The following GALNT18 variants were observed in gnomAD, a reference collection of about 807,000 sequenced individuals.
The protein encoded by GALNT18 is polypeptide N-acetylgalactosaminyltransferase 18, also known as GalNAc-transferase 18.
A neutral mutation model predicts 69.5 loss-of-function variants in GALNT18; 44 were observed. That is an observed-to-expected ratio of 0.63 (90% CI 0.50 to 0.81). GALNT18 has a LOEUF of 0.81. Ranked by LOEUF, GALNT18 falls within the 40% of genes least tolerant of loss-of-function variation. The pLI is 0.00. For missense variants in GALNT18, 715 were observed against 810.0 expected (o/e 0.88, Z 1.42); for synonymous variants, 364 against 318.2 (o/e 1.14, Z -1.53).
intron 7 of GALNT18, among the ~76,000 whole-genome samples, chr11:11,335,193 T>C: frequency 6.6e-6 from 1 of 152,170 alleles, no homozygotes; most frequent in East Asian, 1.9e-4. Flanking sequence ...AGGGCAAAGT[T>C]TGCCTCCCTC....
rs1008545915 is a variant in GALNT18, at chr11:11,352,814, T to C, written c.1093-11810A>G. On this transcript the variant is annotated intron_variant, in intron 6 of 10. Coordinates refer to ENST00000227756, the MANE Select transcript of GALNT18 (RefSeq NM_198516.3). ...AGGCGGGGGTTCGTGACACAGGGTC[T>C]TTTACAATGTCTGCCAGTGTGATGA... 3.7e-6 allele frequency: 6 copies of C among 1,614,100 alleles called. No individual in the cohort carries two copies. The East Asian group carries it at 1.3e-4, about 36-fold the overall frequency.
chr11:11,340,665 C>G lies in GALNT18; in HGVS notation c.1278+154G>C, dbSNP rs1358087410. On this transcript the variant is annotated intron_variant, in intron 7 of 10. Coordinates refer to ENST00000227756, the MANE Select transcript of GALNT18 (RefSeq NM_198516.3). This position sits in a 1 kb window ranked among gnomAD's most constrained non-coding sequence, Gnocchi z 4.2. ...GGCTTAGAGCCTCATGGCCCCTTTT[C>G]TTCAGCAAATAATATGTTTTGGGGT... 6.6e-6 allele frequency among the ~76,000 whole-genome samples: 1 copy of G among 152,122 alleles called. No homozygotes were observed. The highest frequency in any genetic ancestry group is 1.5e-5 in the Non-Finnish European group (1 of 68,022).
At chr11:11,287,347 C>G (rs570034278) in intron 10 of GALNT18, among the ~76,000 whole-genome samples, 82 of 152,312 alleles carry the variant, frequency 5.4e-4, no homozygotes, top group African/African-American at 1.9e-3. Flanking sequence ...ACAGAGGACT[C>G]CCTCTAACAT....
intron 2 of GALNT18, among the ~76,000 whole-genome samples, chr11:11,445,294 G>A (rs1855624376): frequency 6.6e-6 from 1 of 152,172 alleles, no homozygotes; most frequent in African/African-American, 2.4e-5. Flanking sequence ...TCTGTAAGAT[G>A]AAGGCTAATC....
intron 1 of GALNT18, among the ~76,000 whole-genome samples, chr11:11,531,465 G>A (rs961020215): frequency 6.6e-6 from 1 of 152,208 alleles, no homozygotes; most frequent in African/African-American, 2.4e-5. Context: ...CATCGGGCTG[G>A]TTACTCTCCC....
rs189675322 is a variant in GALNT18 at position 11,341,406 on chromosome 11, A to G, written c.1093-402T>C. Among the ~76,000 whole-genome samples the G allele has an allele frequency of 3.3e-5, 5 of 152,056 alleles. No homozygotes were observed. Among genetic ancestry groups the G allele is most frequent in the African/African-American group, 1.2e-4 (5 of 41,494 alleles). On this transcript the variant is annotated intron_variant, in intron 6 of 10. Transcript: ENST00000227756. This position sits in a 1 kb window ranked among gnomAD's most constrained non-coding sequence, Gnocchi z 6.3. Reference sequence around the variant, plus strand: ...GTTGACATAAAGGAGAACCAGCAAGACTCCCAGCAGAGACTTCCTCTTCAA... The same window carrying G: ...GTTGACATAAAGGAGAACCAGCAAGGCTCCCAGCAGAGACTTCCTCTTCAA...
chr11:11,386,712 T>C (rs1854067640), intron 3 of GALNT18, among the ~76,000 whole-genome samples: 1 of 152,166 alleles, frequency 6.6e-6, no homozygotes, highest in African/African-American at 2.4e-5. Context: ...AAGATATAGC[T>C]CCTATTATTA....
chr11:11,515,573 C>T (rs1379343516), intron 1 of GALNT18, among the ~76,000 whole-genome samples: 2 of 152,154 alleles, frequency 1.3e-5, no homozygotes, highest in Non-Finnish European at 2.9e-5. Flanking sequence ...CAAATAAACC[C>T]ACAATGATGA....
At chr11:11,370,551 C>T (rs944047327) in intron 6 of GALNT18, among the ~76,000 whole-genome samples, 1 of 151,134 alleles carries the variant, frequency 6.6e-6, no homozygotes, top group Admixed American at 6.6e-5. Flanking sequence ...ACTCCAATGA[C>T]ACTTCATTTC....
At chr11:11,588,664 T>G (rs7108584) in intron 1 of GALNT18, among the ~76,000 whole-genome samples, 3,768 of 152,266 alleles carry the variant, frequency 0.025, 160 homozygotes, top group African/African-American at 0.086. Context: ...TCAGAGGAAA[T>G]GTTTAGCTCT....
At chr11:11,316,114 C>T (rs1325654098) in intron 9 of GALNT18, among the ~76,000 whole-genome samples, 1 of 152,180 alleles carries the variant, frequency 6.6e-6, no homozygotes, top group Non-Finnish European at 1.5e-5. Flanking sequence ...GTGTACGAGG[C>T]TCCCCTGAAC....
At chr11:11,572,453 T>C (rs1224882691) in intron 1 of GALNT18, among the ~76,000 whole-genome samples, 1 of 152,168 alleles carries the variant, frequency 6.6e-6, no homozygotes, top group Non-Finnish European at 1.5e-5. Flanking sequence ...GTTTTAAAGG[T>C]AAATAACCGA....
Position 11,362,363 on chromosome 11 carries a change from A to AAAAC in GALNT18, c.1092+10148_1092+10151dup, listed in dbSNP as rs571109608. The stretch of plus-strand genomic sequence containing the variant: ...ACGAAAAAAGCAGCCTTTGGATGGC[A>AAAAC]AAACAAACAAACAAACAAACACGAG... On this transcript the variant is annotated intron_variant, in intron 6 of 10. Coordinates refer to ENST00000227756, the MANE Select transcript of GALNT18 (RefSeq NM_198516.3). Among the ~76,000 whole-genome samples, 719 of 152,216 alleles carry AAAAC rather than the reference A, an allele frequency of 4.7e-3. 4 individuals are homozygous for AAAAC. The highest frequency in any genetic ancestry group is 0.016 in the African/African-American group (653 of 41,560).
At chr11:11,424,213 G>T (rs12578026) in intron 3 of GALNT18, among the ~76,000 whole-genome samples, 29,479 of 152,148 alleles carry the variant, frequency 0.19, 3,257 homozygotes, top group African/African-American at 0.3. Context: ...CCATTTTAGT[G>T]CATGTGGCGG....
At chr11:11,569,824 G>C (rs1408638751) in intron 1 of GALNT18, among the ~76,000 whole-genome samples, 1 of 152,084 alleles carries the variant, frequency 6.6e-6, no homozygotes, top group Non-Finnish European at 1.5e-5. Flanking sequence ...TCACAAAACA[G>C]GGCATGAGGT....
chr11:11,597,650 T>TA (rs1187512069), intron 1 of GALNT18, among the ~76,000 whole-genome samples: 2 of 151,290 alleles, frequency 1.3e-5, no homozygotes, highest in African/African-American at 4.9e-5. Context: ...CTAATTTTAA[T>TA]AATTTGAGTA....
At chr11:11,405,708 G>A (rs1252009538) in intron 3 of GALNT18, among the ~76,000 whole-genome samples, 1 of 152,202 alleles carries the variant, frequency 6.6e-6, no homozygotes, top group Non-Finnish European at 1.5e-5. Flanking sequence ...TCTGCAAGCT[G>A]GGAGATATCT....
At chr11:11,326,170 G>A (rs1262751519) in intron 9 of GALNT18, among the ~76,000 whole-genome samples, 1 of 150,088 alleles carries the variant, frequency 6.7e-6, no homozygotes, top group African/African-American at 2.5e-5. Context: ...TCAGCCTCCT[G>A]AGTAGCTGGG....
intron 9 of GALNT18, among the ~76,000 whole-genome samples, chr11:11,300,907 G>C (rs963414833): frequency 1.3e-5 from 2 of 152,180 alleles, no homozygotes; most frequent in East Asian, 3.8e-4. Flanking sequence ...CTGGGTTAAG[G>C]AGAGTTTGGG....
Sources: gnomAD v4.1 joint callset for allele counts (sites outside exome capture counted in the v4.1 genomes callset) on GRCh38, gnomAD v4.1.1 for gene constraint, Gnocchi (gnomAD v3.1) non-coding constraint, MANE v1.5 for transcripts, NCBI Gene and HGNC (gene_info 2026-07-23, HGNC 2026-07-21) for gene names.